The following PTPRM variants were observed in gnomAD, a reference collection of about 807,000 sequenced individuals.
PTPRM encodes receptor-type tyrosine-protein phosphatase mu.
Under a neutral mutation model 186.7 loss-of-function variants are expected in PTPRM, and 47 were observed. That is an observed-to-expected ratio of 0.25 (90% confidence interval 0.20 to 0.32). PTPRM has a LOEUF of 0.32. Among genes scored for constraint, PTPRM ranks in the 10% least tolerant of loss-of-function variants. The probability of loss-of-function intolerance (pLI) is 1.00; values close to 1 mark genes in which losing one functional copy is unlikely to be tolerated. For missense variants in PTPRM, 1,494 were observed against 1,865.0 expected (o/e 0.80, Z 3.66); for synonymous variants, 668 against 674.9 (o/e 0.99, Z 0.16).
chr18:8,353,077 G>A (rs185572400), intron 23 of PTPRM, among the ~76,000 whole-genome samples: 2 of 152,288 alleles, frequency 1.3e-5, no homozygotes, highest in African/African-American at 4.8e-5. Context: ...TGCTGAGGAA[G>A]CATTTTAAAT....
chr18:7,593,291 G>A (rs897586255), intron 1 of PTPRM, among the ~76,000 whole-genome samples: 3 of 152,044 alleles, frequency 2.0e-5, no homozygotes, highest in Non-Finnish European at 2.9e-5. Flanking sequence ...TTGCTTCCAG[G>A]GTTTTTTGTC....
intron 3 of PTPRM, among the ~76,000 whole-genome samples, chr18:7,902,834 C>CTTTTTTTTTTTTTTTTT (rs34332223): frequency 7.7e-6 from 1 of 130,098 alleles, no homozygotes; most frequent in Non-Finnish European, 1.6e-5. Context: ...TCTTCTCTGC[C>CTTTTTTTTTTTTTTTTT]TTTTTTTTTT....
At position 8,343,469 on chromosome 18, in the gene PTPRM, C is replaced by T. The variant is rs748808573; in HGVS notation, c.3003C>T (p.His1001=). The part of the protein sequence containing the change: ...TIYDFWRMVW[H]ENTASIIMVT... ...ATGACTTCTGGAGGATGGTGTGGCA[C>T]GAAAACACTGCAAGTATCATCATGG... The change falls in exon 23 of 33, where the codon CAC becomes CAT. Residue 1001 remains histidine (H), a synonymous_variant. Transcript: ENST00000580170. The T allele has an allele frequency of 6.3e-5, 102 of 1,613,704 alleles. No individual in the cohort carries two copies. The highest frequency in any genetic ancestry group is 3.8e-4 in the East Asian group (17 of 44,848).
rs1301563297 is a variant in PTPRM at position 7,568,541 on chromosome 18, C to T, written c.73+650C>T. Among the ~76,000 whole-genome samples the T allele has an allele frequency of 6.6e-6, 1 of 152,250 alleles. No homozygotes were observed. The highest frequency in any genetic ancestry group is 2.1e-4 in the South Asian group (1 of 4,822). On this transcript the variant is annotated intron_variant, in intron 1 of 32. Coordinates refer to ENST00000580170, the MANE Select transcript of PTPRM (RefSeq NM_001105244.2). The surrounding 1 kb of genome is among the most constrained non-coding windows in gnomAD (Gnocchi z 5.1). ...AGGGCTTGGCGGCCGCGGAGGGAAG[C>T]GGGCAGGTCCCCAGGCCCTGGCCAC... is the stretch of plus-strand genomic sequence containing the variant.
intron 23 of PTPRM, among the ~76,000 whole-genome samples, chr18:8,350,649 A>G (rs1002522611): frequency 1.3e-5 from 2 of 152,260 alleles, no homozygotes; most frequent in South Asian, 2.1e-4. Context: ...CACACCACTC[A>G]TCTGTTCAGA....
At chr18:8,118,283 A>G (rs1341556392) in intron 13 of PTPRM, among the ~76,000 whole-genome samples, 1 of 152,150 alleles carries the variant, frequency 6.6e-6, no homozygotes, top group Non-Finnish European at 1.5e-5. Context: ...CCTGTTGTTC[A>G]TTTAAAAATT....
intron 11 of PTPRM, among the ~76,000 whole-genome samples, chr18:8,108,779 T>G (rs556989156): frequency 1.3e-5 from 2 of 152,342 alleles, no homozygotes; most frequent in East Asian, 3.9e-4. Context: ...AGTTCTGATA[T>G]AATGATGTCA....
intron 6 of PTPRM, among the ~76,000 whole-genome samples, chr18:7,950,073 G>A (rs1217161738): frequency 2.0e-5 from 3 of 152,098 alleles, no homozygotes; most frequent in Non-Finnish European, 4.4e-5. Flanking sequence ...TTTTTCCTAG[G>A]AGAACAGAAT....
At chr18:8,356,759 A>G (rs2095565543) in intron 23 of PTPRM, among the ~76,000 whole-genome samples, 1 of 152,160 alleles carries the variant, frequency 6.6e-6, no homozygotes, top group African/African-American at 2.4e-5. Context: ...AGGACAGCCA[A>G]TAGCCCAAAT....
chr18:7,873,913 C>G (rs1220918076), intron 2 of PTPRM, among the ~76,000 whole-genome samples: 2 of 152,082 alleles, frequency 1.3e-5, no homozygotes, highest in Non-Finnish European at 2.9e-5. Context: ...ACTTGTAGGA[C>G]TCTCTTCTGT....
At chr18:7,998,987 T>C (rs1390443489) in intron 7 of PTPRM, among the ~76,000 whole-genome samples, 1 of 152,220 alleles carries the variant, frequency 6.6e-6, no homozygotes, top group Non-Finnish European at 1.5e-5. Context: ...ATTTGGATGA[T>C]TATTGTATAC....
chr18:7,879,823 A>G (rs934539142), intron 2 of PTPRM, among the ~76,000 whole-genome samples: 1 of 152,190 alleles, frequency 6.6e-6, no homozygotes, highest in Non-Finnish European at 1.5e-5. Flanking sequence ...GGATGATCCC[A>G]TCAGCTGCTG....
At chr18:7,919,258 G>C (rs1036708206) in intron 4 of PTPRM, among the ~76,000 whole-genome samples, 8 of 151,938 alleles carry the variant, frequency 5.3e-5, no homozygotes, top group Non-Finnish European at 8.8e-5. Flanking sequence ...TTTTTGCTCA[G>C]GCTTGCTTTG....
At chr18:8,205,551 A>G (rs1205490758) in intron 14 of PTPRM, among the ~76,000 whole-genome samples, 1 of 152,206 alleles carries the variant, frequency 6.6e-6, no homozygotes, top group Non-Finnish European at 1.5e-5. Context: ...AATGTGCTGT[A>G]TTGCTGTAAT....
intron 14 of PTPRM, among the ~76,000 whole-genome samples, chr18:8,179,975 G>C (rs2093551406): frequency 6.6e-6 from 1 of 152,182 alleles, no homozygotes; most frequent in African/African-American, 2.4e-5. Context: ...TGTGAGTCCT[G>C]TGTAGGGAAA....
At chr18:7,906,327 GGT>G (rs1251972915) in intron 3 of PTPRM, among the ~76,000 whole-genome samples, 176 bp from the exon 4 acceptor site, 1 of 152,134 alleles carries the variant, frequency 6.6e-6, no homozygotes, top group African/African-American at 2.4e-5. Flanking sequence ...TGAAGACTGG[GGT>G]GGGGTCTTGC....
chr18:8,265,486 A>C (rs2094689325), intron 19 of PTPRM, among the ~76,000 whole-genome samples: 1 of 152,250 alleles, frequency 6.6e-6, no homozygotes, highest in Admixed American at 6.5e-5. Flanking sequence ...CAAGTTTGTA[A>C]GCCTGAGTTG....
At chr18:7,804,038 A>C (rs533741266) in intron 2 of PTPRM, among the ~76,000 whole-genome samples, 1 of 152,304 alleles carries the variant, frequency 6.6e-6, no homozygotes, top group African/African-American at 2.4e-5. Context: ...GTGAGCCTAA[A>C]CTTACACAAG....
intron 19 of PTPRM, among the ~76,000 whole-genome samples, chr18:8,256,550 A>C (rs1162264428): frequency 6.6e-6 from 1 of 152,220 alleles, no homozygotes; most frequent in African/African-American, 2.4e-5. Flanking sequence ...TGTTCTTTAT[A>C]GGGAAACTTC....
Sources: allele counts gnomAD v4.1 joint callset (sites outside exome capture counted in the v4.1 genomes callset), GRCh38; gene constraint gnomAD v4.1.1; non-coding constraint Gnocchi (gnomAD v3.1); transcripts MANE v1.5; gene names NCBI Gene and HGNC (gene_info 2026-07-23, HGNC 2026-07-21).